The following AK3 variants were observed in gnomAD, a reference collection of about 807,000 sequenced individuals.
The protein encoded by AK3 is GTP:AMP phosphotransferase AK3, mitochondrial.
Under a neutral mutation model 23.7 loss-of-function variants are expected in AK3, and 27 were observed. That is an observed-to-expected ratio of 1.14 (90% CI 0.84 to 1.57). The LOEUF (loss-of-function observed/expected upper bound fraction) is 1.57. Among genes scored for constraint, AK3 ranks in the 40% most tolerant of loss-of-function variants. The pLI is 0.00. For missense variants in AK3, 406 were observed against 285.6 expected, an observed-to-expected ratio of 1.42 and a Z score of -3.04; for synonymous variants, 159 against 116.0, an observed-to-expected ratio of 1.37 and a Z score of -2.38.
chr9:4,720,392 A>G (rs1563786898), intron 2 of AK3, among the ~76,000 whole-genome samples: 1 of 152,198 alleles, frequency 6.6e-6, no homozygotes, highest in Non-Finnish European at 1.5e-5. Context: ...TTCAAAAATG[A>G]CAAAAGTTAG....
chr9:4,712,438 T>C lies in AK3; in HGVS notation c.*538A>G, dbSNP rs1841585789. ...ACAGCATATATGGTTAACATATACA[T>C]TTCTTAGTGTAAAGGCAGCAGTGAA... On this transcript the variant is annotated 3_prime_UTR_variant, in exon 5 of 5. Coordinates refer to ENST00000381809, the MANE Select transcript of AK3 (RefSeq NM_016282.4). 6.6e-6 allele frequency: 1 copy of C among 152,274 alleles called. No individual in the cohort carries two copies. The highest frequency in any genetic ancestry group is 2.4e-5 in the African/African-American group (1 of 41,456). 9.4% of individuals were successfully genotyped at this position (152,274 alleles called of 1,614,324 possible). A position where few individuals can be genotyped will look rare whatever the true frequency, so the allele number is the denominator to read the frequency against.
chr9:4,727,643 G>A (rs1176367058), intron 1 of AK3, among the ~76,000 whole-genome samples: 1 of 152,116 alleles, frequency 6.6e-6, no homozygotes, highest in South Asian at 2.1e-4. Flanking sequence ...CAACAACAAG[G>A]TTGTTTTGCT....
At chr9:4,725,793 T>C (rs1410725692) in intron 1 of AK3, among the ~76,000 whole-genome samples, 7 of 152,304 alleles carry the variant, frequency 4.6e-5, no homozygotes, top group Admixed American at 1.3e-4. Flanking sequence ...GATATACAAA[T>C]GGCCAATAAG....
At chr9:4,714,178 G>A (rs77739667) in intron 4 of AK3, among the ~76,000 whole-genome samples, 18,359 of 34,552 alleles carry the variant, frequency 0.53, 3,665 homozygotes, top group African/African-American at 0.62. Flanking sequence ...CCACACATAC[G>A]CCTCCACATA....
At chr9:4,724,023 T>A (rs766342382) in intron 1 of AK3, among the ~76,000 whole-genome samples, 1 of 152,212 alleles carries the variant, frequency 6.6e-6, no homozygotes, top group Non-Finnish European at 1.5e-5. Flanking sequence ...AGATTCTAAA[T>A]TGTCAGATTC....
Position 4,710,420 on chromosome 9 carries a change from C to A in AK3, c.*2556G>T, listed in dbSNP as rs929119772. ...ATTTTTAGTAGAGACGGGGTTTCAC[C>A]GTGTTAGCCAGGATGGTCTCGATCT... is the stretch of plus-strand genomic sequence containing the variant. On this transcript the variant is annotated 3_prime_UTR_variant, in exon 5 of 5. Coordinates refer to ENST00000381809, the MANE Select transcript of AK3 (RefSeq NM_016282.4). The A allele has an allele frequency of 7.3e-6, 1 of 136,430 alleles. No individual in the cohort carries two copies. The highest frequency in any genetic ancestry group is 1.7e-5 in the Non-Finnish European group (1 of 59,830). 8.5% of individuals were successfully genotyped at this position (136,430 alleles called of 1,614,324 possible).
chr9:4,739,932 C>A (rs1842386122), intron 1 of AK3, among the ~76,000 whole-genome samples: 1 of 151,916 alleles, frequency 6.6e-6, no homozygotes, highest in African/African-American at 2.4e-5. Context: ...GTACACGTAT[C>A]TGCGCTTAAA....
intron 1 of AK3, among the ~76,000 whole-genome samples, chr9:4,734,974 T>G (rs1842236221): frequency 1.3e-5 from 2 of 152,026 alleles, no homozygotes; most frequent in African/African-American, 2.4e-5. Flanking sequence ...AGGAGGTGAG[T>G]TGGTGTTGCC....
intron 1 of AK3, among the ~76,000 whole-genome samples, chr9:4,726,886 T>C (rs1427672047): frequency 6.6e-6 from 1 of 152,134 alleles, no homozygotes; most frequent in African/African-American, 2.4e-5. Flanking sequence ...AAATTACTCC[T>C]TGATGCGTGG....
At chr9:4,739,773 T>C (rs1036696417) in intron 1 of AK3, among the ~76,000 whole-genome samples, 1 of 151,484 alleles carries the variant, frequency 6.6e-6, no homozygotes, top group African/African-American at 2.4e-5. Context: ...CTACTAAAAA[T>C]ACAAAAAATT....
At chr9:4,729,501 A>G (rs1458044460) in intron 1 of AK3, among the ~76,000 whole-genome samples, 8 of 151,938 alleles carry the variant, frequency 5.3e-5, no homozygotes, top group African/African-American at 1.7e-4. Flanking sequence ...AGTTACCATA[A>G]GAGATAGCAA....
chr9:4,738,400 T>G (rs1382516976), intron 1 of AK3, among the ~76,000 whole-genome samples: 1 of 152,054 alleles, frequency 6.6e-6, no homozygotes, highest in East Asian at 1.9e-4. Flanking sequence ...TCCTGACCTC[T>G]GGTGATTCAC....
upstream of AK3, chr9:4,741,414 C>T (rs568337139): frequency 1.2e-5 from 3 of 249,656 alleles, no homozygotes; most frequent in Non-Finnish European, 2.3e-5. Flanking sequence ...CTCTCCGCGG[C>T]CCCTCTCCAC....
chr9:4,740,494 C>G (rs1338684822), intron 1 of AK3, among the ~76,000 whole-genome samples: 1 of 151,934 alleles, frequency 6.6e-6, no homozygotes, highest in Non-Finnish European at 1.5e-5. Flanking sequence ...TTAACCACAC[C>G]AAAAAAGAAA....
rs1029607562 is a variant in AK3, at chr9:4,719,443, A to T, written c.272-136T>A. On this transcript the variant is annotated intron_variant, in intron 2 of 4. Coordinates refer to ENST00000381809, the MANE Select transcript of AK3 (RefSeq NM_016282.4). The stretch of plus-strand genomic sequence containing the variant: ...CTGAACAAAAGGAATGAGGCTCACC[A>T]GGCAGGCCGATCACAGCTGCGGTGC... The T allele has an allele frequency of 2.6e-5, 21 of 802,788 alleles. No individual in the cohort carries two copies. The Admixed American group carries it at 5.7e-4, about 22-fold the overall frequency. 49.7% of individuals were successfully genotyped at this position (802,788 alleles called of 1,614,324 possible). A position where few individuals can be genotyped will look rare whatever the true frequency, so the allele number is the denominator to read the frequency against.
chr9:4,728,866 T>TATATAAACACAC (rs1395790351), intron 1 of AK3, among the ~76,000 whole-genome samples: 1 of 87,894 alleles, frequency 1.1e-5, no homozygotes, highest in Non-Finnish European at 2.4e-5. Context: ...TATATATATA[T>TATATAAACACAC]ACACACACAC....
Position 4,722,572 on chromosome 9 carries a change from C to T in AK3, c.205G>A (p.Asp69Asn), listed in dbSNP as rs1415725546. ...FIDQGKLIPD[D>N]VMTRLALHEL... ...TGAAGGGCCAGCCGAGTCATGACAT[C>T]ATCTGGGATGAGTTTCCCTTGGTCA... Residue 69 changes from aspartate to asparagine, a missense_variant, in exon 2 of 5, where the codon GAT (aspartate) becomes AAT (asparagine). By Grantham distance (23) the Asp-to-Asn change is conservative. Transcript: ENST00000381809. 1.2e-6 allele frequency: 2 copies of T among 1,614,090 alleles called. No individual in the cohort carries two copies. Among genetic ancestry groups the T allele is most frequent in the African/African-American group, 2.7e-5 (2 of 74,926 alleles).
chr9:4,737,216 A>T (rs1288882346), intron 1 of AK3, among the ~76,000 whole-genome samples: 2 of 147,252 alleles, frequency 1.4e-5, no homozygotes, highest in African/African-American at 2.4e-5. Flanking sequence ...TACAGCTTTC[A>T]TGTGCTAGAT....
chr9:4,712,895 A>T lies in AK3; in HGVS notation c.*81T>A. 1 of 1,470,140 alleles carries T rather than the reference A, an allele frequency of 6.8e-7. No individual in the cohort carries two copies. The highest frequency in any genetic ancestry group is 9.2e-7 in the Non-Finnish European group (1 of 1,081,354). 91.1% of individuals were successfully genotyped at this position (1,470,140 alleles called of 1,614,324 possible). A position where few individuals can be genotyped will look rare whatever the true frequency, so the allele number is the denominator to read the frequency against. On this transcript the variant is annotated 3_prime_UTR_variant, in exon 5 of 5. Transcript: ENST00000381809. ...TTTTCAAAGAATTCATACATACTAG[A>T]AGTCTTAGGAAAAGCAGCTTCTAAA...
Sources: gnomAD v4.1 joint callset for allele counts (sites outside exome capture counted in the v4.1 genomes callset) on GRCh38, gnomAD v4.1.1 for gene constraint, MANE v1.5 for transcripts, NCBI Gene and HGNC (gene_info 2026-07-23, HGNC 2026-07-21) for gene names.